Variants in DAPK1 observed in about 807,000 individuals in gnomAD.
DAPK1 encodes death associated protein kinase 1.
DAPK1 carries 56 observed loss-of-function variants against 144.9 expected under a neutral mutation model. The observed-to-expected ratio is 0.39, with a 90% CI of 0.31 to 0.48. The LOEUF is 0.48. DAPK1 is among the 20% of genes least tolerant of loss of function. The probability of loss-of-function intolerance (pLI) is 0.95; values close to 1 mark genes in which losing one functional copy is unlikely to be tolerated. For missense variants in DAPK1, 1,454 were observed against 1,875.4 expected, an observed-to-expected ratio of 0.78 and a Z score of 4.15; for synonymous variants, 690 against 749.0, an observed-to-expected ratio of 0.92 and a Z score of 1.29.
chr9:87,569,925 A>G (rs964068793), intron 2 of DAPK1, among the ~76,000 whole-genome samples: 3 of 152,260 alleles, frequency 2.0e-5, no homozygotes. Context: ...TGAAATCACC[A>G]TAAACTACTA....
chr9:87,538,126 T>C (rs1825923599), intron 2 of DAPK1, among the ~76,000 whole-genome samples: 1 of 152,178 alleles, frequency 6.6e-6, no homozygotes, highest in African/African-American at 2.4e-5. Flanking sequence ...AAGACAATAG[T>C]TGTGGAATCT....
chr9:87,571,476 A>ACACCCCAACAC (rs771023885), intron 2 of DAPK1, among the ~76,000 whole-genome samples: 2 of 48,560 alleles, frequency 4.1e-5, no homozygotes, highest in South Asian at 9.8e-4. Context: ...CACACACACC[A>ACACCCCAACAC]ACACACACAC....
At chr9:87,556,242 C>T (rs893716428) in intron 2 of DAPK1, among the ~76,000 whole-genome samples, 2 of 152,212 alleles carry the variant, frequency 1.3e-5, no homozygotes, top group African/African-American at 4.8e-5. Context: ...TGTGTTACCT[C>T]ATTTAATCTT....
intron 17 of DAPK1, among the ~76,000 whole-genome samples, chr9:87,653,289 C>T (rs1315530750): frequency 6.6e-6 from 1 of 152,246 alleles, no homozygotes; most frequent in Non-Finnish European, 1.5e-5. Context: ...TGTGTGCTCC[C>T]ACCTGATCCT....
chr9:87,669,694 G>T (rs1426433340), intron 19 of DAPK1, among the ~76,000 whole-genome samples: 1 of 151,978 alleles, frequency 6.6e-6, no homozygotes, highest in African/African-American at 2.4e-5. Context: ...GGGGAGAAGT[G>T]CTGAGGTCAT....
At chr9:87,698,565 G>C in intron 22 of DAPK1, 91 bp from the exon 23 acceptor site, 2 of 764,996 alleles carry the variant, frequency 2.6e-6, no homozygotes, top group Non-Finnish European at 4.6e-6. Context: ...GTCGGCCTGG[G>C]CATGAGGCCA....
At chr9:87,581,778 G>C (rs1371261910) in intron 2 of DAPK1, among the ~76,000 whole-genome samples, 1 of 152,188 alleles carries the variant, frequency 6.6e-6, no homozygotes, top group African/African-American at 2.4e-5. Context: ...TGCTACACAG[G>C]AAGATGTCTG....
chr9:87,607,640 T>C (rs1004033717), intron 3 of DAPK1, among the ~76,000 whole-genome samples: 2 of 152,162 alleles, frequency 1.3e-5, no homozygotes, highest in African/African-American at 4.8e-5. Context: ...AAATATAGTG[T>C]TGGAGGAGGG....
intron 2 of DAPK1, among the ~76,000 whole-genome samples, chr9:87,587,004 G>T (rs1416344235): frequency 6.6e-6 from 1 of 152,240 alleles, no homozygotes; most frequent in Non-Finnish European, 1.5e-5. Flanking sequence ...AGAAGATGTA[G>T]AACACTGTTC....
chr9:87,623,659 G>A (rs1035663952), intron 3 of DAPK1, among the ~76,000 whole-genome samples: 3 of 152,206 alleles, frequency 2.0e-5, no homozygotes, highest in African/African-American at 7.2e-5. Context: ...GGGAGTGGAG[G>A]TGTAAGACAA....
At chr9:87,669,240 CCA>C (rs1488892230) in intron 19 of DAPK1, among the ~76,000 whole-genome samples, 2 of 151,922 alleles carry the variant, frequency 1.3e-5, no homozygotes, top group Non-Finnish European at 2.9e-5. Context: ...CACAGATAAC[CCA>C]CGATAATGTC....
In DAPK1 at chr9:87,639,374, G is replaced by A; in HGVS notation, c.444G>A (p.Leu148=). The A allele has an allele frequency of 6.2e-7, 1 of 1,604,906 alleles. No individual in the cohort carries two copies. The highest frequency in any genetic ancestry group is 8.5e-7 in the Non-Finnish European group (1 of 1,177,484). ...TCAAGCCTGAGAACATAATGCTTTT[G>A]GATAGAAATGTCCCCAAACCTCGGA... ...FDLKPENIML[L]DRNVPKPRIK... Residue 148 remains leucine (L), a synonymous_variant, in exon 5 of 26, where the codon TTG becomes TTA. Coordinates refer to ENST00000408954, the MANE Select transcript of DAPK1 (RefSeq NM_004938.4).
At chr9:87,705,746 C>CGAGG (rs1825613499) in intron 25 of DAPK1, among the ~76,000 whole-genome samples, 1 of 152,160 alleles carries the variant, frequency 6.6e-6, no homozygotes, top group African/African-American at 2.4e-5. Flanking sequence ...ATATCATCCT[C>CGAGG]ATACAAGGGT....
intron 2 of DAPK1, among the ~76,000 whole-genome samples, chr9:87,501,770 G>A (rs987441687): frequency 1.3e-5 from 2 of 152,146 alleles, no homozygotes; most frequent in African/African-American, 2.4e-5. Context: ...TTCTGTAAAA[G>A]CTCTCTGTCA....
At chr9:87,661,630 GTC>G (rs1396251031) in intron 18 of DAPK1, among the ~76,000 whole-genome samples, 1 of 152,140 alleles carries the variant, frequency 6.6e-6, no homozygotes, top group Non-Finnish European at 1.5e-5. Context: ...TTTGAAAAAT[GTC>G]TCTTCATGTC....
intron 2 of DAPK1, among the ~76,000 whole-genome samples, chr9:87,599,788 A>G (rs893209958): frequency 2.0e-5 from 3 of 152,254 alleles, no homozygotes; most frequent in Non-Finnish European, 2.9e-5. Context: ...CACTGCAAAC[A>G]CTAAACCATT....
At chr9:87,696,197 A>C (rs954380674) in intron 21 of DAPK1, among the ~76,000 whole-genome samples, 2 of 151,846 alleles carry the variant, frequency 1.3e-5, no homozygotes, top group African/African-American at 4.8e-5. Context: ...CCATGTAAGC[A>C]CCCAGGCATG....
intron 21 of DAPK1, among the ~76,000 whole-genome samples, chr9:87,689,785 T>G (rs1244409403): frequency 6.6e-6 from 1 of 152,192 alleles, no homozygotes; most frequent in Non-Finnish European, 1.5e-5. Context: ...GTATGTGTTC[T>G]TATTGCCTCT....
At chr9:87,564,298 C>T (rs1357332341) in intron 2 of DAPK1, among the ~76,000 whole-genome samples, 1 of 152,114 alleles carries the variant, frequency 6.6e-6, no homozygotes. Context: ...TATGTGATGT[C>T]AGGGGGTATG....
Sources: allele counts gnomAD v4.1 joint callset (sites outside exome capture counted in the v4.1 genomes callset), GRCh38; gene constraint gnomAD v4.1.1; transcripts MANE v1.5; gene names NCBI Gene and HGNC (gene_info 2026-07-23, HGNC 2026-07-21).